Variants in TTYH3 observed in about 807,000 individuals in gnomAD.
TTYH3 encodes tweety family member 3.
Under a neutral mutation model 68.2 loss-of-function variants are expected in TTYH3, and 23 were observed. The ratio of observed to expected loss-of-function variants is 0.34; its 90% CI spans 0.24 to 0.48. The LOEUF (loss-of-function observed/expected upper bound fraction) is 0.48. Among genes scored for constraint, TTYH3 ranks in the 20% least tolerant of loss-of-function variants. The probability of loss-of-function intolerance (pLI) is 0.99; values close to 1 mark genes in which losing one functional copy is unlikely to be tolerated. For missense variants in TTYH3, 768 were observed against 727.7 expected (o/e 1.06, Z -0.64); for synonymous variants, 360 against 332.8 (o/e 1.08, Z -0.89).
chr7:2,652,304 G>C (rs953667392), intron 8 of TTYH3, 62 bp downstream of exon 8: 15 of 1,480,260 alleles, frequency 1.0e-5, no homozygotes, highest in Non-Finnish European at 1.2e-5. Flanking sequence ...GCTGTGTGTG[G>C]AGGGGCCCAG....
rs150016832 is a variant in TTYH3, at chr7:2,656,516, A to G, written c.1232A>G (p.His411Arg). The G allele has an allele frequency of 7.4e-4, 1,183 of 1,604,584 alleles. 1 individual carries two copies. The highest frequency in any genetic ancestry group is 9.5e-4 in the Non-Finnish European group (1,113 of 1,176,610). The change falls in exon 11 of 14, where the codon CAC (histidine) becomes CGC (arginine). Residue 411 changes from histidine (H) to arginine (R), a missense_variant. His to Arg is a conservative substitution (Grantham distance 29). Coordinates refer to ENST00000258796, the MANE Select transcript of TTYH3 (RefSeq NM_025250.3). ...AGCTCCATCGTCTGCAGCGTCCCGC[A>G]CACCTGGCAGCAAAAGAGGTGAGGG... ...MFSSIVCSVP[H>R]TWQQKRGPDE...
At chr7:2,635,384 C>G (rs975869353) in intron 1 of TTYH3, among the ~76,000 whole-genome samples, 2 of 152,182 alleles carry the variant, frequency 1.3e-5, no homozygotes, top group Non-Finnish European at 2.9e-5. Flanking sequence ...GGGCTTTATT[C>G]GGGGGAGGCC....
At chr7:2,654,306 G>A (rs1048030214) in intron 9 of TTYH3, among the ~76,000 whole-genome samples, 3 of 151,856 alleles carry the variant, frequency 2.0e-5, no homozygotes, top group African/African-American at 7.3e-5. Flanking sequence ...GAGGCAGGAG[G>A]ATTGCTTGAG....
At chr7:2,655,066 G>T (rs987745482) in intron 9 of TTYH3, among the ~76,000 whole-genome samples, 24 of 152,198 alleles carry the variant, frequency 1.6e-4, no homozygotes, top group Non-Finnish European at 3.4e-4. Context: ...GGTCCTGGGG[G>T]TTCAGACCGC....
In TTYH3 at chr7:2,661,875, C is replaced by T. The variant is rs1786507452; in HGVS notation, c.*136C>T. On this transcript the variant is annotated 3_prime_UTR_variant, in exon 14 of 14. Transcript: ENST00000258796. ...CCCAGACGCGTCTGCAGGCCGCTTG[C>T]CCTCCTGTCCCCTCCCCGCAGGGGC... The T allele has an allele frequency of 9.1e-6, 8 of 883,308 alleles. No individual in the cohort carries two copies. Among genetic ancestry groups the T allele is most frequent in the Admixed American group, 2.2e-5 (1 of 46,336 alleles). 54.7% of individuals were successfully genotyped at this position (883,308 alleles called of 1,614,324 possible).
Position 2,632,168 on chromosome 7 carries a change from A to G in TTYH3, c.13A>G (p.Ser5Gly), listed in dbSNP as rs1296559499. Reference sequence around the variant, plus strand: ...GCCGGGCCCCGCCATGGCCGGGGTCAGCTACGCGGCGCCCTGGTGGGTGAG... The same window carrying G: ...GCCGGGCCCCGCCATGGCCGGGGTCGGCTACGCGGCGCCCTGGTGGGTGAG... MAGV[S>G]YAAPWWVSLL... The change falls in exon 1 of 14, where the codon AGC becomes GGC. Residue 5 changes from serine (S) to glycine (G), a missense_variant. Coordinates refer to ENST00000258796, the MANE Select transcript of TTYH3 (RefSeq NM_025250.3). 2.7e-6 allele frequency: 4 copies of G among 1,475,262 alleles called. No homozygotes were observed. The highest frequency in any genetic ancestry group is 1.4e-5 in the African/African-American group (1 of 69,358). The allele number at this position is 1,475,262 out of a possible 1,614,324, so 91.4% of individuals were successfully genotyped here.
Position 2,647,559 on chromosome 7 carries a change from G to A in TTYH3, c.547G>A (p.Ala183Thr), listed in dbSNP as rs748371899. 2 of 1,561,236 alleles carry A rather than the reference G, an allele frequency of 1.3e-6. No individual in the cohort carries two copies. Among genetic ancestry groups the A allele is most frequent in the East Asian group, 2.4e-5 (1 of 41,764 alleles). ...GLLETLLGYT[A>T]AIPFWRNTAV... The stretch of plus-strand genomic sequence containing the variant: ...GCTGGAGACGCTGCTGGGCTACACG[G>A]CCGCCATCCCCTTTTGGAGGAACAC... Residue 183 changes from alanine to threonine, a missense_variant, in exon 4 of 14, where the codon GCC (alanine) becomes ACC (threonine). Transcript: ENST00000258796.
intron 13 of TTYH3, among the ~76,000 whole-genome samples, chr7:2,661,132 G>T (rs74873135): frequency 0.016 from 2,442 of 152,334 alleles, 77 homozygotes; most frequent in African/African-American, 0.056. Flanking sequence ...TCCTTCCATG[G>T]CGTGAAGGGG....
At chr7:2,651,061 G>C (rs1786162146) in intron 7 of TTYH3, among the ~76,000 whole-genome samples, 3 of 152,042 alleles carry the variant, frequency 2.0e-5, no homozygotes, top group African/African-American at 4.8e-5. Context: ...CGGGAGTTTC[G>C]GCCCCCTCGG....
intron 11 of TTYH3, among the ~76,000 whole-genome samples, chr7:2,657,869 G>C (rs1261521672): frequency 6.6e-6 from 1 of 152,234 alleles, no homozygotes; most frequent in East Asian, 1.9e-4. Context: ...GAAAGCCAGA[G>C]GGCAGCAGGG....
At chr7:2,636,209 TGGGGCA>T (rs2114971346) in intron 1 of TTYH3, among the ~76,000 whole-genome samples, 1 of 152,316 alleles carries the variant, frequency 6.6e-6, no homozygotes, top group East Asian at 1.9e-4. Flanking sequence ...GGCAGTTCCC[TGGGGCA>T]GGGCTGGCCT....
At chr7:2,634,639 A>G (rs924630126) in intron 1 of TTYH3, among the ~76,000 whole-genome samples, 12 of 151,648 alleles carry the variant, frequency 7.9e-5, no homozygotes, top group African/African-American at 2.9e-4. Flanking sequence ...GTCCTTTGCT[A>G]TTTCTGGCCC....
chr7:2,646,172 G>T (rs543146068), intron 1 of TTYH3, among the ~76,000 whole-genome samples: 2 of 152,158 alleles, frequency 1.3e-5, no homozygotes, highest in Admixed American at 1.3e-4. Flanking sequence ...CCGCCACCAG[G>T]CCTGGCTAAT....
chr7:2,644,213 G>C (rs971368358), intron 1 of TTYH3, among the ~76,000 whole-genome samples: 1 of 152,202 alleles, frequency 6.6e-6, no homozygotes, highest in Non-Finnish European at 1.5e-5. Context: ...CTGTTCTGCC[G>C]TTGGCCTCTG....
At position 2,647,165 on chromosome 7, in the gene TTYH3, A is replaced by T; in HGVS notation, c.317A>T (p.Tyr106Phe). The change falls in exon 3 of 14, where the codon TAC becomes TTC. Residue 106 changes from tyrosine (Y) to phenylalanine (F), a missense_variant. Transcript: ENST00000258796. ...AGCGCCGGCATCGCAGTGGGATTCT[A>T]CGGCAACGGGGAGACCAGTGATGGC... Reference protein sequence around the residue: ...VCSAGIAVGFYGNGETSDGIH... With the variant: ...VCSAGIAVGFFGNGETSDGIH... The T allele has an allele frequency of 6.2e-7, 1 of 1,606,258 alleles. No individual in the cohort carries two copies. Among genetic ancestry groups the T allele is most frequent in the Non-Finnish European group, 8.5e-7 (1 of 1,177,890 alleles).
At chr7:2,660,543 C>T in intron 13 of TTYH3, 1 of 985,322 alleles carries the variant, frequency 1.0e-6, no homozygotes, top group Non-Finnish European at 1.2e-6. Flanking sequence ...CGCGTCTGCC[C>T]CGTCCCGTCC....
At chr7:2,632,934 C>T (rs910994291) in intron 1 of TTYH3, among the ~76,000 whole-genome samples, 2 of 152,174 alleles carry the variant, frequency 1.3e-5, no homozygotes, top group Admixed American at 6.5e-5. Context: ...CTGCCTGTAG[C>T]CCCCGGGGGA....
intron 1 of TTYH3, among the ~76,000 whole-genome samples, chr7:2,633,395 C>T (rs1785576573): frequency 6.6e-6 from 1 of 152,042 alleles, no homozygotes; most frequent in Non-Finnish European, 1.5e-5. Flanking sequence ...GAGCAGGGCA[C>T]CTGGGAGCCC....
At position 2,656,417 on chromosome 7, in the gene TTYH3, C is replaced by G. The variant is rs762833636; in HGVS notation, c.1133C>G (p.Thr378Ser). The stretch of plus-strand genomic sequence containing the variant: ...CCTCAGGACTACGTGCAAGCGCTGA[C>G]CGGCTTCTGCTATGACGGCGTGGAG... ...SLHLDYVQAL[T>S]GFCYDGVEGL... The change falls in exon 11 of 14, where the codon ACC (threonine) becomes AGC (serine). Residue 378 changes from threonine (T) to serine (S), a missense_variant. Thr to Ser is a moderately conservative substitution (Grantham distance 58, BLOSUM62 1). Coordinates refer to ENST00000258796, the MANE Select transcript of TTYH3 (RefSeq NM_025250.3). The G allele has an allele frequency of 1.2e-6, 2 of 1,610,960 alleles. No individual in the cohort carries two copies. Among genetic ancestry groups the G allele is most frequent in the African/African-American group, 1.3e-5 (1 of 74,870 alleles).
Sources: allele counts gnomAD v4.1 joint callset (sites outside exome capture counted in the v4.1 genomes callset), GRCh38; gene constraint gnomAD v4.1.1; transcripts MANE v1.5; gene names NCBI Gene and HGNC (gene_info 2026-07-23, HGNC 2026-07-21).